Variants in HIBADH observed in about 807,000 individuals in gnomAD.
HIBADH encodes 3-hydroxyisobutyrate dehydrogenase, mitochondrial.
A neutral mutation model predicts 36.1 loss-of-function variants in HIBADH; 25 were observed. The observed-to-expected ratio is 0.69, with a 90% CI of 0.50 to 0.97. The LOEUF is 0.97. HIBADH is among the 50% of genes least tolerant of loss of function. The pLI is 0.00. For missense variants in HIBADH, 421 were observed against 418.0 expected (o/e 1.01, Z -0.06); for synonymous variants, 160 against 149.5 (o/e 1.07, Z -0.51).
intron 4 of HIBADH, among the ~76,000 whole-genome samples, chr7:27,600,939 A>G (rs1431047829): frequency 6.6e-6 from 1 of 152,170 alleles, no homozygotes; most frequent in African/African-American, 2.4e-5. Flanking sequence ...CGTTCTTAGA[A>G]TATGTAAAAT....
At chr7:27,608,332 G>C (rs1785266007) in intron 4 of HIBADH, among the ~76,000 whole-genome samples, 1 of 152,116 alleles carries the variant, frequency 6.6e-6, no homozygotes, top group Non-Finnish European at 1.5e-5. Context: ...ACTTTCCTTG[G>C]ACCTGAAGGA....
intron 7 of HIBADH, 129 bp downstream of exon 7, chr7:27,531,063 T>G: frequency 2.3e-5 from 20 of 865,736 alleles, no homozygotes; most frequent in South Asian, 3.8e-5. Context: ...TCATTTTCAG[T>G]GAGAGTGAAT....
chr7:27,589,899 A>C (rs1199504907), intron 4 of HIBADH, among the ~76,000 whole-genome samples: 1 of 152,158 alleles, frequency 6.6e-6, no homozygotes, highest in Non-Finnish European at 1.5e-5. Flanking sequence ...CCATCACACC[A>C]AACTGCCTCT....
chr7:27,623,457 T>G (rs1478040165), intron 4 of HIBADH, among the ~76,000 whole-genome samples: 3 of 152,100 alleles, frequency 2.0e-5, no homozygotes, highest in African/African-American at 7.2e-5. Flanking sequence ...TAAAGGAAGT[T>G]AAACTGTCCC....
intron 2 of HIBADH, among the ~76,000 whole-genome samples, chr7:27,644,996 T>A (rs957758262): frequency 6.6e-6 from 1 of 152,176 alleles, no homozygotes; most frequent in Middle Eastern, 3.2e-3. Flanking sequence ...AGTACTTCAT[T>A]TCTTTTTATT....
At chr7:27,655,097 GT>G (rs900387676) in intron 1 of HIBADH, among the ~76,000 whole-genome samples, 3 of 152,074 alleles carry the variant, frequency 2.0e-5, no homozygotes, top group Non-Finnish European at 2.9e-5. Context: ...TAATAAAGCT[GT>G]TTTTAAAAAG....
chr7:27,592,994 A>G (rs1284517496), intron 4 of HIBADH, among the ~76,000 whole-genome samples: 1 of 152,104 alleles, frequency 6.6e-6, no homozygotes, highest in East Asian at 1.9e-4. Context: ...ACTCTCCTTT[A>G]AGGTCACAAT....
chr7:27,561,162 C>T (rs1011935791), intron 4 of HIBADH, among the ~76,000 whole-genome samples: 10 of 152,092 alleles, frequency 6.6e-5, no homozygotes, highest in African/African-American at 2.2e-4. Flanking sequence ...TTATTCACTT[C>T]TTGTTGAGTT....
chr7:27,614,568 T>C (rs1785393398), intron 4 of HIBADH, among the ~76,000 whole-genome samples: 1 of 152,250 alleles, frequency 6.6e-6, no homozygotes, highest in African/African-American at 2.4e-5. Flanking sequence ...TTCAGTCTAG[T>C]AGAAGAGACA....
chr7:27,538,980 T>C (rs1784108432), intron 5 of HIBADH, among the ~76,000 whole-genome samples: 1 of 152,108 alleles, frequency 6.6e-6, no homozygotes, highest in Non-Finnish European at 1.5e-5. Flanking sequence ...ACATGGGATG[T>C]TGCTGGAGAT....
Position 27,649,637 on chromosome 7 carries a change from A to G in HIBADH, c.92-4T>C. On this transcript the variant is annotated splice_polypyrimidine_tract_variant and splice_region_variant and intron_variant, in intron 1 of 7. Coordinates refer to ENST00000265395, the MANE Select transcript of HIBADH (RefSeq NM_152740.4). ...GAAGCCACTGACCTAGAACACACTG[A>G]TTTCAATACATTATTTTCAATAGGG... 1 of 1,573,222 alleles carries G rather than the reference A, an allele frequency of 6.4e-7. No homozygotes were observed. Among genetic ancestry groups the G allele is most frequent in the African/African-American group, 1.4e-5 (1 of 73,550 alleles).
At chr7:27,527,023 G>A (rs1217018641) in intron 7 of HIBADH, among the ~76,000 whole-genome samples, 1 of 152,118 alleles carries the variant, frequency 6.6e-6, no homozygotes, top group Non-Finnish European at 1.5e-5. Context: ...TGGCAGGGAG[G>A]TGGTGGGCAA....
At position 27,624,015 on chromosome 7, in the gene HIBADH, G is replaced by A. The variant is rs567193373; in HGVS notation, c.484+5356C>T. 5.9e-5 allele frequency among the ~76,000 whole-genome samples: 9 copies of A among 152,266 alleles called. No individual in the cohort carries two copies. In the South Asian group the frequency reaches 1.9e-3, roughly 32 times the overall value. ...GTTTCACATTGTTGCCCAGGTTGGT[G>A]TCGAATGCCTGAGCTCAGGTGATCC... On this transcript the variant is annotated intron_variant, in intron 4 of 7. Coordinates refer to ENST00000265395, the MANE Select transcript of HIBADH (RefSeq NM_152740.4).
chr7:27,597,789 G>A (rs531606392), intron 4 of HIBADH, among the ~76,000 whole-genome samples: 134 of 152,252 alleles, frequency 8.8e-4, no homozygotes, highest in Non-Finnish European at 1.3e-3. Context: ...AAATATAAAG[G>A]AATTTGAAGA....
chr7:27,538,315 G>A, intron 6 of HIBADH, 26 bp downstream of exon 6: 2 of 1,538,794 alleles, frequency 1.3e-6, no homozygotes, highest in South Asian at 1.1e-5. Context: ...AAAAATGTTA[G>A]TATAAAAACG....
chr7:27,559,277 T>C (rs920960862), intron 4 of HIBADH, among the ~76,000 whole-genome samples: 2 of 152,148 alleles, frequency 1.3e-5, no homozygotes, highest in African/African-American at 4.8e-5. Context: ...GGTTAAGGAT[T>C]TCAACATATG....
chr7:27,656,144 T>C (rs1003238382), intron 1 of HIBADH, among the ~76,000 whole-genome samples: 3 of 152,190 alleles, frequency 2.0e-5, no homozygotes, highest in Non-Finnish European at 4.4e-5. Flanking sequence ...TTCATTCATC[T>C]ACTCTAGTTT....
At chr7:27,628,738 T>C (rs999308685) in intron 4 of HIBADH, among the ~76,000 whole-genome samples, 56 of 152,242 alleles carry the variant, frequency 3.7e-4, no homozygotes, top group African/African-American at 1.3e-3. Context: ...ATCTCATTCA[T>C]ACATGGTTGG....
At chr7:27,542,241 GA>G (rs963140525) in intron 5 of HIBADH, among the ~76,000 whole-genome samples, 6 of 150,996 alleles carry the variant, frequency 4.0e-5, no homozygotes, top group African/African-American at 1.2e-4. Context: ...TATATCTATG[GA>G]AAAAAAATAG....
Sources: gnomAD v4.1 joint callset for allele counts (sites outside exome capture counted in the v4.1 genomes callset) on GRCh38, gnomAD v4.1.1 for gene constraint, MANE v1.5 for transcripts, NCBI Gene and HGNC (gene_info 2026-07-23, HGNC 2026-07-21) for gene names.